DAB2IP: variants seen among roughly 807,000 people sequenced by gnomAD.
DAB2IP encodes the protein DAB2 interacting protein.
Under a neutral mutation model 107.2 loss-of-function variants are expected in DAB2IP, and 28 were observed. The observed-to-expected ratio is 0.26, with a 90% CI of 0.19 to 0.36. DAB2IP has a LOEUF of 0.36. DAB2IP is among the 10% of genes least tolerant of loss of function. The pLI, the probability that DAB2IP is intolerant of heterozygous loss-of-function variation, is 1.00. For synonymous variants in DAB2IP, 755 were observed against 706.4 expected, an observed-to-expected ratio of 1.07 and a Z score of -1.09; for missense variants, 1,400 against 1,644.7, an observed-to-expected ratio of 0.85 and a Z score of 2.57.
intron 1 of DAB2IP, among the ~76,000 whole-genome samples, chr9:121,666,936 C>T (rs1833466083): frequency 6.6e-6 from 1 of 151,228 alleles, no homozygotes; most frequent in South Asian, 2.1e-4. Flanking sequence ...AATAGACGTA[C>T]ACAGAGGCAT....
intron 1 of DAB2IP, among the ~76,000 whole-genome samples, chr9:121,578,368 T>G (rs990276470): frequency 6.6e-6 from 1 of 151,042 alleles, no homozygotes; most frequent in Non-Finnish European, 1.5e-5. Flanking sequence ...CCCTCTTCCC[T>G]CCTCTCCCCC....
chr9:121,687,437 G>A (rs2118667891), intron 2 of DAB2IP, among the ~76,000 whole-genome samples: 1 of 152,308 alleles, frequency 6.6e-6, no homozygotes, highest in Non-Finnish European at 1.5e-5. Flanking sequence ...ACCAGGCTGG[G>A]GCCAACAGAC....
intron 3 of DAB2IP, among the ~76,000 whole-genome samples, chr9:121,716,154 G>A (rs1354869892): frequency 6.6e-6 from 1 of 152,242 alleles, no homozygotes; most frequent in Admixed American, 6.5e-5. Context: ...TCCCCAGTTA[G>A]CAGCTCTGGA....
chr9:121,657,828 C>A (rs560948388), intron 1 of DAB2IP, among the ~76,000 whole-genome samples: 11 of 152,236 alleles, frequency 7.2e-5, no homozygotes, highest in African/African-American at 2.6e-4. Flanking sequence ...GCCTATTTGC[C>A]CAGCTGCTGA....
intron 1 of DAB2IP, among the ~76,000 whole-genome samples, chr9:121,629,332 G>GT (rs1047590671): frequency 6.6e-6 from 1 of 152,154 alleles, no homozygotes. Context: ...GCAGAGGGTG[G>GT]TGGGGGTGAC....
At chr9:121,752,804 C>A (rs149353800) in intron 3 of DAB2IP, 2 of 152,350 alleles carry the variant, frequency 1.3e-5, no homozygotes, top group East Asian at 1.9e-4. Flanking sequence ...CTGGGAAATA[C>A]CTCCCCGTGA....
chr9:121,659,163 G>A (rs1165803253), intron 1 of DAB2IP, among the ~76,000 whole-genome samples: 1 of 152,240 alleles, frequency 6.6e-6, no homozygotes, highest in Non-Finnish European at 1.5e-5. Flanking sequence ...AGAGGAGAGA[G>A]TGGGGCCCAA....
chr9:121,735,103 C>G (rs528013320), intron 3 of DAB2IP, among the ~76,000 whole-genome samples: 5 of 152,344 alleles, frequency 3.3e-5, no homozygotes, highest in African/African-American at 7.2e-5. Flanking sequence ...AAACAGATGA[C>G]AGCTCTGAGG....
intron 1 of DAB2IP, among the ~76,000 whole-genome samples, chr9:121,594,235 A>AT (rs772152487): frequency 0.029 from 3,829 of 131,138 alleles, 114 homozygotes; most frequent in African/African-American, 0.065. Context: ...TGAATGCAGC[A>AT]TTTTTTTTTT....
At chr9:121,630,284 G>A (rs1029059087) in intron 1 of DAB2IP, among the ~76,000 whole-genome samples, 1 of 152,112 alleles carries the variant, frequency 6.6e-6, no homozygotes, top group Non-Finnish European at 1.5e-5. Context: ...AAAATATTTC[G>A]GGAGGTGGAG....
chr9:121,621,991 T>C (rs544868278), intron 1 of DAB2IP, among the ~76,000 whole-genome samples: 23 of 134,746 alleles, frequency 1.7e-4, no homozygotes, highest in African/African-American at 6.2e-4. Flanking sequence ...TTTCTTTTTT[T>C]TTTTTTTTTT....
chr9:121,659,186 G>T (rs1206724851), intron 1 of DAB2IP, among the ~76,000 whole-genome samples: 1 of 152,228 alleles, frequency 6.6e-6, no homozygotes, highest in East Asian at 1.9e-4. Context: ...GTGCTGGGCA[G>T]TCGGAGATGA....
intron 3 of DAB2IP, among the ~76,000 whole-genome samples, chr9:121,732,905 C>T (rs1831630843): frequency 6.6e-6 from 1 of 152,212 alleles, no homozygotes; most frequent in South Asian, 2.1e-4. Context: ...TGGCACATAG[C>T]AGGTGCCAGG....
chr9:121,654,252 G>C (rs888644254), intron 1 of DAB2IP, among the ~76,000 whole-genome samples: 3 of 152,004 alleles, frequency 2.0e-5, no homozygotes, highest in African/African-American at 7.3e-5. Context: ...AGTTCCTCCT[G>C]GGTTTGGGGA....
chr9:121,586,378 T>A (rs1479116743), intron 1 of DAB2IP, among the ~76,000 whole-genome samples: 3 of 152,194 alleles, frequency 2.0e-5, no homozygotes, highest in Admixed American at 1.3e-4. Context: ...TGCTAATAGT[T>A]ATAAGAAATC....
chr9:121,603,016 G>T (rs1044975491), intron 1 of DAB2IP, among the ~76,000 whole-genome samples: 2 of 152,198 alleles, frequency 1.3e-5, no homozygotes, highest in Non-Finnish European at 2.9e-5. Context: ...CCTCTGCTCA[G>T]TTTTTTCACC....
chr9:121,698,446 A>C lies in DAB2IP; in HGVS notation c.229-879A>C, dbSNP rs1297758765. ...GCTCTTGGGATGGGGGAGGTGGGGG[A>C]TTAAGCTCTGTTTTCAGTCAGTGCA... is the stretch of plus-strand genomic sequence containing the variant. On this transcript the variant is annotated intron_variant, in intron 2 of 15. Coordinates refer to ENST00000408936, the Ensembl canonical transcript of DAB2IP. This position sits in a 1 kb window ranked among gnomAD's most constrained non-coding sequence, Gnocchi z 4.1. Among the ~76,000 whole-genome samples, 6 of 152,092 alleles carry C rather than the reference A, an allele frequency of 3.9e-5. No homozygotes were observed. The highest frequency in any genetic ancestry group is 1.4e-4 in the African/African-American group (6 of 41,404).
chr9:121,741,603 T>TG (rs1205793194), intron 3 of DAB2IP, among the ~76,000 whole-genome samples: 1 of 151,998 alleles, frequency 6.6e-6, no homozygotes, highest in African/African-American at 2.4e-5. Flanking sequence ...TGTCTCCTTA[T>TG]GGGACGGAGC....
chr9:121,776,485 G>A lies in DAB2IP; in HGVS notation c.3314+94G>A, dbSNP rs1588014056. 2.3e-6 allele frequency: 3 copies of A among 1,326,150 alleles called. No individual in the cohort carries two copies. In the African/African-American group the frequency reaches 4.5e-5, roughly 20 times the overall value. The allele number at this position is 1,326,150 out of a possible 1,614,324, so 82.1% of individuals were successfully genotyped here. On this transcript the variant is annotated intron_variant, in intron 14 of 15. Coordinates refer to ENST00000408936, the Ensembl canonical transcript of DAB2IP. The surrounding 1 kb of genome is among the most constrained non-coding windows in gnomAD (Gnocchi z 5.4). Reference sequence around the variant, plus strand: ...CCCCTGGTCGGGGAGCCTCCTCAAAGGATAAGCTGAATGTGGAGAGAGGAG... The same window carrying A: ...CCCCTGGTCGGGGAGCCTCCTCAAAAGATAAGCTGAATGTGGAGAGAGGAG...
Sources: allele counts gnomAD v4.1 joint callset (sites outside exome capture counted in the v4.1 genomes callset), GRCh38; gene constraint gnomAD v4.1.1; non-coding constraint Gnocchi (gnomAD v3.1); transcripts MANE v1.5; gene names NCBI Gene and HGNC (gene_info 2026-07-23, HGNC 2026-07-21).